TIMP3: variants seen among roughly 807,000 people sequenced by gnomAD.
TIMP3 encodes metalloproteinase inhibitor 3.
A neutral mutation model predicts 30.0 loss-of-function variants in TIMP3; 11 were observed. The observed-to-expected ratio is 0.37, with a 90% CI of 0.23 to 0.61. The LOEUF (loss-of-function observed/expected upper bound fraction) is 0.61. Ranked by LOEUF, TIMP3 falls within the 20% of genes least tolerant of loss-of-function variation. The pLI is 0.70. For missense variants in TIMP3, 181 were observed against 276.8 expected, an observed-to-expected ratio of 0.65 and a Z score of 2.45; for synonymous variants, 112 against 111.3, an observed-to-expected ratio of 1.01 and a Z score of -0.04.
intron 1 of TIMP3, 149 bp downstream of exon 1, chr22:32,802,271 G>A (rs2046609844): frequency 8.0e-7 from 1 of 1,250,170 alleles, no homozygotes; most frequent in South Asian, 1.6e-5. Context: ...CGATGTCCTT[G>A]GGCGGGGGCG....
In TIMP3 at chr22:32,853,129, T is replaced by G. The variant is rs538823464; in HGVS notation, c.204+3595T>G. 1.4e-4 allele frequency among the ~76,000 whole-genome samples: 21 copies of G among 152,298 alleles called. No individual in the cohort carries two copies. The South Asian group carries it at 4.4e-3, about 32-fold the overall frequency. On this transcript the variant is annotated intron_variant, in intron 2 of 4. Coordinates refer to ENST00000266085, the MANE Select transcript of TIMP3 (RefSeq NM_000362.5). ...ATGAGCAATAGCAGGGTCTCGCCTT[T>G]GAAGCTCTAGCTGGAAGCATCTTTG...
intron 2 of TIMP3, among the ~76,000 whole-genome samples, chr22:32,850,444 G>A (rs2048186172): frequency 6.6e-6 from 1 of 152,112 alleles, no homozygotes; most frequent in Non-Finnish European, 1.5e-5. Context: ...GGGTGTACTG[G>A]TGATTGCCTT....
At chr22:32,858,281 C>T (rs924913193) in intron 4 of TIMP3, 143 bp downstream of exon 4, 19 of 1,201,894 alleles carry the variant, frequency 1.6e-5, no homozygotes, top group Admixed American at 2.5e-5. Context: ...CAGGTCTGAG[C>T]AGATATAGTA....
At chr22:32,852,176 G>A (rs1278328105) in intron 2 of TIMP3, among the ~76,000 whole-genome samples, 1 of 152,200 alleles carries the variant, frequency 6.6e-6, no homozygotes, top group Non-Finnish European at 1.5e-5. Context: ...TGAGACCTGG[G>A]AGGTCATATA....
At chr22:32,802,251 T>A in intron 1 of TIMP3, 129 bp downstream of exon 1, 1 of 1,363,028 alleles carries the variant, frequency 7.3e-7, no homozygotes, top group Non-Finnish European at 9.7e-7. Flanking sequence ...TGGGGCGGAG[T>A]GGAGAAACTC....
intron 4 of TIMP3, 64 bp from the exon 5 acceptor site, chr22:32,859,112 CTCGG>C (rs766958455): frequency 9.0e-6 from 14 of 1,559,324 alleles, no homozygotes; most frequent in Admixed American, 3.3e-5. Flanking sequence ...TGAATCCAGG[CTCGG>C]TAGCCTCAGG....
intron 1 of TIMP3, among the ~76,000 whole-genome samples, chr22:32,821,170 C>G (rs759724211): frequency 6.6e-6 from 1 of 152,158 alleles, no homozygotes; most frequent in Non-Finnish European, 1.5e-5. Flanking sequence ...GAGATGGAAT[C>G]CCGTCTCTGC....
chr22:32,855,921 C>A (rs1427379), intron 2 of TIMP3, among the ~76,000 whole-genome samples: 40,255 of 152,090 alleles, frequency 0.26, 5,643 homozygotes, highest in African/African-American at 0.35. Flanking sequence ...ACAGTTAAAA[C>A]TCTTTGAACT....
chr22:32,815,280 C>T (rs2047058266), intron 1 of TIMP3, among the ~76,000 whole-genome samples: 1 of 152,188 alleles, frequency 6.6e-6, no homozygotes, highest in Non-Finnish European at 1.5e-5. Flanking sequence ...TTGTGGGTCC[C>T]AGTGCAGGGA....
chr22:32,857,306 G>A lies in TIMP3; in HGVS notation c.262G>A (p.Glu88Lys). 1 of 1,614,118 alleles carries A rather than the reference G, an allele frequency of 6.2e-7. No homozygotes were observed. Among genetic ancestry groups the A allele is most frequent in the Non-Finnish European group, 8.5e-7 (1 of 1,180,016 alleles). ...GCAGTACATCCATACGGAAGCTTCC[G>A]AGAGTCTCTGTGGCCTTAAGCTGGA... ...HVQYIHTEAS[E>K]SLCGLKLEVN... The change falls in exon 3 of 5, where the codon GAG becomes AAG. Residue 88 changes from glutamate to lysine, a missense_variant. Coordinates refer to ENST00000266085, the MANE Select transcript of TIMP3 (RefSeq NM_000362.5).
chr22:32,821,394 G>A (rs1234024264), intron 1 of TIMP3, among the ~76,000 whole-genome samples: 3 of 152,210 alleles, frequency 2.0e-5, no homozygotes, highest in African/African-American at 7.2e-5. Context: ...TAACCGCTAA[G>A]GTGTCATCAG....
intron 1 of TIMP3, among the ~76,000 whole-genome samples, chr22:32,834,810 G>C (rs908281585): frequency 1.9e-4 from 29 of 152,106 alleles, no homozygotes; most frequent in African/African-American, 6.5e-4. Flanking sequence ...CCTGGAGAGG[G>C]GTCTGCATGA....
At chr22:32,833,273 G>T (rs1411190881) in intron 1 of TIMP3, among the ~76,000 whole-genome samples, 1 of 152,178 alleles carries the variant, frequency 6.6e-6, no homozygotes, top group East Asian at 1.9e-4. Flanking sequence ...GTCATAAGCA[G>T]GGAGAGACCA....
intron 1 of TIMP3, among the ~76,000 whole-genome samples, chr22:32,835,270 T>A (rs947802130): frequency 3.9e-5 from 6 of 152,292 alleles, no homozygotes; most frequent in Admixed American, 1.3e-4. Flanking sequence ...GCACCTACTA[T>A]GTTCCAGACA....
chr22:32,828,995 G>A (rs187845055), intron 1 of TIMP3, among the ~76,000 whole-genome samples: 6 of 152,244 alleles, frequency 3.9e-5, no homozygotes, highest in South Asian at 4.1e-4. Flanking sequence ...CCCCAGGAGC[G>A]GTCTTGAGGG....
intron 1 of TIMP3, among the ~76,000 whole-genome samples, chr22:32,807,363 A>ATTT (rs1569239699): frequency 1.1e-5 from 1 of 89,144 alleles, no homozygotes; most frequent in Non-Finnish European, 2.1e-5. Flanking sequence ...ATAATATATA[A>ATTT]TATATATTAT....
intron 1 of TIMP3, among the ~76,000 whole-genome samples, chr22:32,832,253 C>T (rs115726591): frequency 1.3e-5 from 2 of 152,232 alleles, no homozygotes; most frequent in Admixed American, 6.5e-5. Flanking sequence ...ACAGGAAGCA[C>T]GTGACAACTT....
chr22:32,853,186 C>T (rs1569276753), intron 2 of TIMP3, among the ~76,000 whole-genome samples: 1 of 152,224 alleles, frequency 6.6e-6, no homozygotes, highest in Non-Finnish European at 1.5e-5. Flanking sequence ...ATTCTTCTTG[C>T]AATGCCCGTG....
chr22:32,820,862 T>A (rs2047226858), intron 1 of TIMP3, among the ~76,000 whole-genome samples: 1 of 152,194 alleles, frequency 6.6e-6, no homozygotes, highest in Admixed American at 6.5e-5. Context: ...GATGTATGAA[T>A]GATAAAGAGC....
Sources: allele counts gnomAD v4.1 joint callset (sites outside exome capture counted in the v4.1 genomes callset), GRCh38; gene constraint gnomAD v4.1.1; transcripts MANE v1.5; gene names NCBI Gene and HGNC (gene_info 2026-07-23, HGNC 2026-07-21).